The following AFG2A variants were observed in gnomAD, a reference collection of about 807,000 sequenced individuals.
The protein encoded by AFG2A is ATPase family gene 2 protein homolog A.
the AFG2A span, among the ~76,000 whole-genome samples, chr4:122,990,967 A>C: frequency 6.6e-6 from 1 of 152,204 alleles, no homozygotes; most frequent in African/African-American, 2.4e-5. Context: ...TGTTGGTTTA[A>C]ATAAAACCAA....
the AFG2A span, among the ~76,000 whole-genome samples, chr4:122,992,120 T>C: frequency 2.6e-5 from 4 of 152,218 alleles, no homozygotes; most frequent in African/African-American, 9.6e-5. Context: ...TTACTGCCAG[T>C]GGGGAATGTG....
the AFG2A span, chr4:122,935,600 C>G: frequency 9.4e-6 from 12 of 1,274,438 alleles, no homozygotes; most frequent in Admixed American, 2.6e-5. Context: ...ACTCTTGACT[C>G]TTTTTGTGAC....
At chr4:123,033,819 G>A in the AFG2A span, among the ~76,000 whole-genome samples, 2 of 152,270 alleles carry the variant, frequency 1.3e-5, no homozygotes, top group East Asian at 3.9e-4. Flanking sequence ...ATCCAGAAAA[G>A]TATAACATTT....
At chr4:123,044,479 T>G in the AFG2A span, among the ~76,000 whole-genome samples, 2 of 152,126 alleles carry the variant, frequency 1.3e-5, no homozygotes, top group Non-Finnish European at 2.9e-5. Flanking sequence ...TTACCATTTT[T>G]CTATCCAAGC....
At chr4:123,107,231 T>A in the AFG2A span, among the ~76,000 whole-genome samples, 29 of 152,316 alleles carry the variant, frequency 1.9e-4, no homozygotes, top group Non-Finnish European at 3.4e-4. Context: ...TTTTCAGCTT[T>A]GTTTGTGTTA....
chr4:123,097,490 A>G, the AFG2A span, among the ~76,000 whole-genome samples: 2 of 152,132 alleles, frequency 1.3e-5, no homozygotes, highest in Non-Finnish European at 2.9e-5. Flanking sequence ...AATGATGTGA[A>G]TAGTCTTTGG....
chr4:123,107,622 A>G, the AFG2A span, among the ~76,000 whole-genome samples: 1 of 152,068 alleles, frequency 6.6e-6, no homozygotes, highest in South Asian at 2.1e-4. Context: ...TTCACCAGGG[A>G]CCCACCCCTT....
the AFG2A span, among the ~76,000 whole-genome samples, chr4:123,110,680 T>C: frequency 6.6e-6 from 1 of 152,198 alleles, no homozygotes; most frequent in Non-Finnish European, 1.5e-5. Flanking sequence ...TTTGAGCACA[T>C]GCACTATACC....
At chr4:123,098,179 C>T in the AFG2A span, among the ~76,000 whole-genome samples, 2 of 151,884 alleles carry the variant, frequency 1.3e-5, no homozygotes, top group Non-Finnish European at 2.9e-5. Flanking sequence ...GATTAGTAGC[C>T]TTTAATGTCT....
the AFG2A span, among the ~76,000 whole-genome samples, chr4:123,057,929 G>A: frequency 2.6e-5 from 4 of 152,068 alleles, no homozygotes; most frequent in Admixed American, 6.5e-5. Flanking sequence ...GTAAATTCAT[G>A]TACTTTGTGC....
At chr4:123,168,421 G>A in the AFG2A span, among the ~76,000 whole-genome samples, 2 of 152,062 alleles carry the variant, frequency 1.3e-5, no homozygotes, top group East Asian at 3.8e-4. Context: ...AGTTCAATAA[G>A]AAGAAATAAA....
the AFG2A span, among the ~76,000 whole-genome samples, chr4:123,173,528 G>A: frequency 6.6e-6 from 1 of 151,576 alleles, no homozygotes; most frequent in South Asian, 2.1e-4. Context: ...GCTAATTTTT[G>A]TAGTTTTAGT....
the AFG2A span, among the ~76,000 whole-genome samples, chr4:122,926,460 C>T: frequency 2.0e-5 from 3 of 152,322 alleles, no homozygotes; most frequent in South Asian, 2.1e-4. Flanking sequence ...GTTTTATACT[C>T]AGTGCTGTTC....
chr4:123,314,299 A>C, the AFG2A span: 1 of 312,934 alleles, frequency 3.2e-6, no homozygotes, highest in Non-Finnish European at 5.7e-6. Context: ...GGTTTAAAAA[A>C]CAAATGTTTA....
chr4:123,219,787 C>T, the AFG2A span, among the ~76,000 whole-genome samples: 1 of 152,070 alleles, frequency 6.6e-6, no homozygotes, highest in Non-Finnish European at 1.5e-5. Context: ...AAAACCTTGA[C>T]CCTGTTTCTT....
At chr4:123,008,102 T>C in the AFG2A span, among the ~76,000 whole-genome samples, 2 of 152,182 alleles carry the variant, frequency 1.3e-5, no homozygotes, top group Non-Finnish European at 2.9e-5. Context: ...AAGAGGTTTA[T>C]TTGGCTCATG....
chr4:123,065,923 GT>G, the AFG2A span, among the ~76,000 whole-genome samples: 1 of 152,084 alleles, frequency 6.6e-6, no homozygotes, highest in African/African-American at 2.4e-5. Flanking sequence ...TTGGGGTATT[GT>G]TTTATGACTA....
chr4:123,023,725 C>T, the AFG2A span, among the ~76,000 whole-genome samples: 1 of 152,130 alleles, frequency 6.6e-6, no homozygotes, highest in East Asian at 1.9e-4. Context: ...ATAAAATATA[C>T]TAACACGGGC....
chr4:123,082,530 T>TC, the AFG2A span, among the ~76,000 whole-genome samples: 4 of 87,322 alleles, frequency 4.6e-5, no homozygotes, highest in Admixed American at 3.2e-4. Flanking sequence ...TTTCTTTTTT[T>TC]TTTTTTTTGG....
Sources: allele counts gnomAD v4.1 joint callset (sites outside exome capture counted in the v4.1 genomes callset), GRCh38; gene constraint gnomAD v4.1.1; transcripts MANE v1.5; gene names NCBI Gene and HGNC (gene_info 2026-07-23, HGNC 2026-07-21).